Variants in SPATA6 observed in about 807,000 individuals in gnomAD.
The protein encoded by SPATA6 is spermatogenesis associated 6, also known as spermatogenesis-associated protein 6.
A neutral mutation model predicts 65.3 loss-of-function variants in SPATA6; 56 were observed. The ratio of observed to expected loss-of-function variants is 0.86; its 90% CI spans 0.69 to 1.07. The LOEUF (loss-of-function observed/expected upper bound fraction) is 1.07, where lower values mean the gene tolerates loss of function less well. Among genes scored for constraint, SPATA6 ranks in the 50% least tolerant of loss-of-function variants. The probability of loss-of-function intolerance (pLI) is 0.00; values close to 1 mark genes in which losing one functional copy is unlikely to be tolerated. For missense variants in SPATA6, 590 were observed against 594.8 expected (o/e 0.99, Z 0.08); for synonymous variants, 199 against 213.2 (o/e 0.93, Z 0.58).
intron 3 of SPATA6, among the ~76,000 whole-genome samples, chr1:48,433,407 C>T (rs1170162268): frequency 6.6e-6 from 1 of 152,146 alleles, no homozygotes; most frequent in African/African-American, 2.4e-5. Flanking sequence ...ATGTAAACTA[C>T]ATCTACTGGA....
intron 11 of SPATA6, among the ~76,000 whole-genome samples, chr1:48,339,651 T>C (rs1231740259): frequency 6.6e-6 from 1 of 151,948 alleles, no homozygotes; most frequent in African/African-American, 2.4e-5. Flanking sequence ...ATAAATGAAT[T>C]TAACAGCAGA....
At chr1:48,349,218 C>T (rs1441052562) in intron 11 of SPATA6, among the ~76,000 whole-genome samples, 1 of 151,902 alleles carries the variant, frequency 6.6e-6, no homozygotes, top group African/African-American at 2.4e-5. Context: ...CATATGATTA[C>T]TTTCTTGCTA....
At chr1:48,418,029 G>T (rs573162256) in intron 3 of SPATA6, among the ~76,000 whole-genome samples, 1 of 152,094 alleles carries the variant, frequency 6.6e-6, no homozygotes, top group Admixed American at 6.6e-5. Flanking sequence ...TACTAAAATG[G>T]ATGTTCTTTT....
downstream of SPATA6, among the ~76,000 whole-genome samples, chr1:48,292,269 C>T (rs954265056): frequency 6.6e-6 from 1 of 152,198 alleles, no homozygotes; most frequent in African/African-American, 2.4e-5. Flanking sequence ...ATGTGAGATG[C>T]CAACTGCTGT....
At chr1:48,325,120 C>A in intron 11 of SPATA6, 1 of 495,368 alleles carries the variant, frequency 2.0e-6, no homozygotes, top group Non-Finnish European at 3.8e-6. Flanking sequence ...CTGGCCAAGC[C>A]TCTTTTGCAT....
intron 6 of SPATA6, among the ~76,000 whole-genome samples, chr1:48,401,305 A>T (rs1651138459): frequency 6.6e-6 from 1 of 152,082 alleles, no homozygotes; most frequent in African/African-American, 2.4e-5. Flanking sequence ...ACCTCTGATT[A>T]TATCAAACCT....
chr1:48,327,567 T>C (rs1022222406), intron 11 of SPATA6, among the ~76,000 whole-genome samples: 2 of 152,136 alleles, frequency 1.3e-5, no homozygotes, highest in African/African-American at 4.8e-5. Context: ...GCAGCACTGT[T>C]GATAATAACC....
chr1:48,366,746 GC>G (rs1441790656), intron 9 of SPATA6, among the ~76,000 whole-genome samples: 3 of 152,038 alleles, frequency 2.0e-5, no homozygotes, highest in African/African-American at 7.2e-5. Context: ...CAAAAAACCA[GC>G]TCCTGGATTC....
intron 11 of SPATA6, among the ~76,000 whole-genome samples, chr1:48,312,956 G>C (rs1263741899): frequency 6.6e-6 from 1 of 152,170 alleles, no homozygotes; most frequent in Non-Finnish European, 1.5e-5. Context: ...AGTGATGGAA[G>C]ATCAAATGAA....
intron 9 of SPATA6, among the ~76,000 whole-genome samples, chr1:48,361,033 T>G (rs1199621877): frequency 6.6e-6 from 1 of 152,182 alleles, no homozygotes; most frequent in African/African-American, 2.4e-5. Flanking sequence ...CACATATCTA[T>G]TAATCTATTA....
At chr1:48,281,574 C>G in the SPATA6 span, among the ~76,000 whole-genome samples, 2 of 151,908 alleles carry the variant, frequency 1.3e-5, no homozygotes, top group South Asian at 4.2e-4. Context: ...TGAGTGAACT[C>G]CCATTCACAA....
chr1:48,315,121 G>A (rs1479816789), intron 11 of SPATA6, among the ~76,000 whole-genome samples: 4 of 152,170 alleles, frequency 2.6e-5, no homozygotes, highest in Non-Finnish European at 5.9e-5. Context: ...GTACAAGGAG[G>A]AGCTGGTACC....
At chr1:48,411,923 G>C (rs1018344616) in intron 4 of SPATA6, among the ~76,000 whole-genome samples, 1 of 151,808 alleles carries the variant, frequency 6.6e-6, no homozygotes, top group East Asian at 1.9e-4. Context: ...GAGTGCAATG[G>C]TGCCATCTCA....
Position 48,296,110 on chromosome 1 carries a change from C to T in SPATA6, c.*2603G>A, listed in dbSNP as rs914484536. ...AAAGTAAAAAGAAAAGCCTATTTAT[C>T]TTTCATATTAACTCCAATAATTATT... On this transcript the variant is annotated 3_prime_UTR_variant, in exon 13 of 13. Transcript: ENST00000371847. 6.6e-6 allele frequency: 1 copy of T among 151,474 alleles called. No homozygotes were observed. The highest frequency in any genetic ancestry group is 2.4e-5 in the African/African-American group (1 of 41,230). 9.4% of individuals were successfully genotyped at this position (151,474 alleles called of 1,614,324 possible).
At chr1:48,444,552 C>T (rs1655831298) in intron 3 of SPATA6, among the ~76,000 whole-genome samples, 1 of 152,046 alleles carries the variant, frequency 6.6e-6, no homozygotes, top group Non-Finnish European at 1.5e-5. Context: ...GTAAAACGGA[C>T]CAATCAGCAC....
rs745374791 is a variant in SPATA6, at chr1:48,399,652, TAAA to T, written c.487-11_487-9del. The T allele has an allele frequency of 9.7e-6, 15 of 1,550,250 alleles. No individual in the cohort carries two copies. The highest frequency in any genetic ancestry group is 1.3e-5 in the Non-Finnish European group (15 of 1,151,628). On this transcript the variant is annotated splice_polypyrimidine_tract_variant and intron_variant, in intron 6 of 12. Coordinates refer to ENST00000371847, the MANE Select transcript of SPATA6 (RefSeq NM_019073.4). ...ATGGTAAATAAATTTATCCTAAACA[TAAA>T]AAATAAAAATTAACTTGGTCAAAGG...
At chr1:48,373,842 G>C (rs112142462) in intron 9 of SPATA6, among the ~76,000 whole-genome samples, 1 of 152,100 alleles carries the variant, frequency 6.6e-6, no homozygotes, top group African/African-American at 2.4e-5. Flanking sequence ...GGGAAAGACC[G>C]GTCCCCATGA....
Position 48,411,529 on chromosome 1 carries a change from T to C in SPATA6, c.340A>G (p.Asn114Asp). The change falls in exon 5 of 13, where the codon AAC (asparagine) becomes GAC (aspartate). Residue 114 changes from asparagine to aspartate, a missense_variant. Asn to Asp is a conservative substitution (Grantham distance 23, BLOSUM62 1). Transcript: ENST00000371847. Reference protein sequence around the residue: ...NTRDFMFPGPNQMSGHHDSNR... With the variant: ...NTRDFMFPGPDQMSGHHDSNR... Reference sequence around the variant, plus strand: ...GAATCATGGTGTCCAGACATTTGGTTTGGACCCGGAAACATGAAATCTCGT... The same window carrying C: ...GAATCATGGTGTCCAGACATTTGGTCTGGACCCGGAAACATGAAATCTCGT... 3.7e-6 allele frequency: 6 copies of C among 1,612,092 alleles called. No homozygotes were observed. Among genetic ancestry groups the C allele is most frequent in the Non-Finnish European group, 5.1e-6 (6 of 1,179,052 alleles).
At chr1:48,355,178 C>A (rs1181514188) in intron 11 of SPATA6, among the ~76,000 whole-genome samples, 2 of 152,080 alleles carry the variant, frequency 1.3e-5, no homozygotes, top group African/African-American at 2.4e-5. Flanking sequence ...TATCCTCATA[C>A]AGATTTTTCC....
Sources: allele counts gnomAD v4.1 joint callset (sites outside exome capture counted in the v4.1 genomes callset), GRCh38; gene constraint gnomAD v4.1.1; transcripts MANE v1.5; gene names NCBI Gene and HGNC (gene_info 2026-07-23, HGNC 2026-07-21).